PATJ: variants seen among roughly 807,000 people sequenced by gnomAD.
PATJ encodes PATJ crumbs cell polarity complex component.
PATJ carries 190 observed loss-of-function variants against 224.9 expected under a neutral mutation model. The observed-to-expected ratio is 0.84, with a 90% CI of 0.75 to 0.95. PATJ has a LOEUF of 0.95. Among genes scored for constraint, PATJ ranks in the 40% least tolerant of loss-of-function variants. The pLI, the probability that PATJ is intolerant of heterozygous loss-of-function variation, is 0.00. For synonymous variants in PATJ, 769 were observed against 820.3 expected (o/e 0.94, Z 1.07); for missense variants, 2,121 against 2,270.3 (o/e 0.93, Z 1.34).
At chr1:61,875,191 A>T (rs1334712803) in intron 20 of PATJ, 52 bp from the exon 21 acceptor site, 1 of 1,244,634 alleles carries the variant, frequency 8.0e-7, no homozygotes, top group African/African-American at 1.5e-5. Flanking sequence ...CTGTACAGTA[A>T]TACATTTTTT....
At position 61,881,413 on chromosome 1, in the gene PATJ, T is replaced by A. The variant is rs200325901; in HGVS notation, c.2960-2824T>A. On this transcript the variant is annotated intron_variant, in intron 21 of 43. Coordinates refer to ENST00000642238, the MANE Select transcript of PATJ (RefSeq NM_001350145.3). ...AACCACAGTTAAAACAGTTATTTTT[T>A]TTTTTTTTTTTTTTTGAGACAGAGT... Among the ~76,000 whole-genome samples, 1,032 of 148,322 alleles carry A rather than the reference T, an allele frequency of 7.0e-3. 12 individuals are homozygous for A. Among genetic ancestry groups the A allele is most frequent in the African/African-American group, 0.023 (907 of 40,200 alleles).
intron 20 of PATJ, among the ~76,000 whole-genome samples, chr1:61,869,141 C>T (rs1042851824): frequency 7.5e-6 from 1 of 132,692 alleles, no homozygotes; most frequent in Non-Finnish European, 1.5e-5. Context: ...GAGTCTCGCT[C>T]TGTCGCCCAG....
chr1:62,001,980 C>T (rs1645802056), intron 28 of PATJ, among the ~76,000 whole-genome samples: 1 of 152,026 alleles, frequency 6.6e-6, no homozygotes, highest in African/African-American at 2.4e-5. Context: ...CTTTCTTTAC[C>T]ACTGTAAAAA....
At chr1:61,875,557 T>G (rs1667234323) in intron 21 of PATJ, 191 bp downstream of exon 21, 1 of 442,190 alleles carries the variant, frequency 2.3e-6, no homozygotes, top group Non-Finnish European at 4.1e-6. Flanking sequence ...AACTTAGAGT[T>G]TTCAGATTCT....
rs143024681 is a variant in PATJ, at chr1:61,875,310, G to A, written c.2903G>A (p.Gly968Asp). 5.0e-6 allele frequency: 8 copies of A among 1,610,740 alleles called. No individual in the cohort carries two copies. Among genetic ancestry groups the A allele is most frequent in the Non-Finnish European group, 6.8e-6 (8 of 1,177,560 alleles). ...VPSTEGNSQQ[G>D]RFDDLENLNS... The stretch of plus-strand genomic sequence containing the variant: ...TCAACTGAAGGAAACAGTCAACAAG[G>A]CAGATTTGACGACCTGGAAAATCTT... Residue 968 changes from glycine to aspartate, a missense_variant, in exon 21 of 44, where the codon GGC becomes GAC. By Grantham distance (94) the Gly-to-Asp change is moderately conservative (BLOSUM62 -1). Transcript: ENST00000642238.
At chr1:61,935,222 A>C (rs577125680) in intron 27 of PATJ, among the ~76,000 whole-genome samples, 2 of 152,338 alleles carry the variant, frequency 1.3e-5, no homozygotes, top group South Asian at 4.2e-4. Context: ...TATGCAGATA[A>C]GGTCCTAGAA....
chr1:61,772,104 T>C (rs1646647182), intron 6 of PATJ, among the ~76,000 whole-genome samples: 1 of 139,154 alleles, frequency 7.2e-6, no homozygotes, highest in Admixed American at 7.9e-5. Flanking sequence ...TTCATGACGG[T>C]CGTTTTTTTT....
At chr1:61,995,848 A>G (rs1047423046) in intron 28 of PATJ, among the ~76,000 whole-genome samples, 1 of 152,212 alleles carries the variant, frequency 6.6e-6, no homozygotes, top group Non-Finnish European at 1.5e-5. Flanking sequence ...GGGCTGTCAT[A>G]TGAATACAGG....
rs1664174094 is a variant in PATJ at position 62,114,106 on chromosome 1, G to A, written c.4515G>A (p.Leu1505=). ...NSSHEEAITA[L]RQTPQKVRLV... ...GCCACGAAGAAGCCATCACAGCCCT[G>A]AGGCAGACCCCCCAGAAGGTGCGGC... is the stretch of plus-strand genomic sequence containing the variant. The change falls in exon 35 of 44, where the codon CTG becomes CTA. Residue 1505 remains leucine (L), a synonymous_variant. Coordinates refer to ENST00000642238, the MANE Select transcript of PATJ (RefSeq NM_001350145.3). 6.2e-7 allele frequency: 1 copy of A among 1,614,192 alleles called. No homozygotes were observed. The highest frequency in any genetic ancestry group is 2.2e-5 in the East Asian group (1 of 44,872).
At chr1:61,935,522 G>A (rs1259938571) in intron 27 of PATJ, among the ~76,000 whole-genome samples, 1 of 152,156 alleles carries the variant, frequency 6.6e-6, no homozygotes, top group Admixed American at 6.5e-5. Context: ...GCCAGGCGTA[G>A]TGGCTCATTC....
intron 40 of PATJ, 44 bp from the exon 41 acceptor site, chr1:62,128,797 T>C (rs1277127808): frequency 1.5e-5 from 20 of 1,315,108 alleles, no homozygotes; most frequent in Non-Finnish European, 1.9e-5. Context: ...TCAAATTTAA[T>C]TTTTCTTAAT....
intron 33 of PATJ, among the ~76,000 whole-genome samples, chr1:62,095,521 C>T (rs974204105): frequency 3.3e-5 from 5 of 152,170 alleles, no homozygotes; most frequent in Admixed American, 6.5e-5. Context: ...AAAATACATG[C>T]CACAGCATAG....
chr1:62,146,803 T>A (rs958697222), intron 41 of PATJ, among the ~76,000 whole-genome samples: 14 of 151,242 alleles, frequency 9.3e-5, no homozygotes, highest in African/African-American at 1.9e-4. Flanking sequence ...AAAATAAATT[T>A]AAAAAAAAGA....
intron 6 of PATJ, among the ~76,000 whole-genome samples, chr1:61,774,516 C>T (rs1317683952): frequency 6.6e-6 from 1 of 152,186 alleles, no homozygotes; most frequent in Non-Finnish European, 1.5e-5. Context: ...TCCACTTCGT[C>T]TATAGGACAC....
chr1:61,912,309 G>T (rs559177545), intron 25 of PATJ, among the ~76,000 whole-genome samples: 6 of 152,176 alleles, frequency 3.9e-5, no homozygotes, highest in Admixed American at 3.9e-4. Flanking sequence ...TTGAAAAACA[G>T]TGGGCTGGGC....
intron 37 of PATJ, among the ~76,000 whole-genome samples, chr1:62,119,559 A>C (rs1558195023): frequency 6.6e-6 from 1 of 152,218 alleles, no homozygotes; most frequent in Non-Finnish European, 1.5e-5. Flanking sequence ...AACCAGGAAG[A>C]AATTTCCTTA....
intron 27 of PATJ, among the ~76,000 whole-genome samples, chr1:61,946,056 T>C (rs1239693260): frequency 6.6e-6 from 1 of 152,102 alleles, no homozygotes; most frequent in Non-Finnish European, 1.5e-5. Context: ...CTCTGGGACA[T>C]ATTTAAAGCA....
In PATJ at chr1:62,099,449, C is replaced by T. The variant is rs185560787; in HGVS notation, c.4378-8988C>T. The stretch of plus-strand genomic sequence containing the variant: ...AGGGTAATAAGACATAACACTCTTT[C>T]TGGATCACTGGTGAATATGTTTTTC... On this transcript the variant is annotated intron_variant, in intron 33 of 43. Coordinates refer to ENST00000642238, the MANE Select transcript of PATJ (RefSeq NM_001350145.3). Among the ~76,000 whole-genome samples the T allele has an allele frequency of 3.4e-3, 438 of 127,460 alleles. 1 individual carries two copies. The highest frequency in any genetic ancestry group is 4.8e-3 in the Non-Finnish European group (306 of 64,384). 83.6% of individuals were successfully genotyped at this position (127,460 alleles called of 152,430 possible).
chr1:61,859,413 A>T (rs1466750102), intron 18 of PATJ, among the ~76,000 whole-genome samples: 1 of 151,784 alleles, frequency 6.6e-6, no homozygotes. Context: ...AATTTCAAGA[A>T]TTTTTTTTCT....
Sources: gnomAD v4.1 joint callset for allele counts (sites outside exome capture counted in the v4.1 genomes callset) on GRCh38, gnomAD v4.1.1 for gene constraint, MANE v1.5 for transcripts, NCBI Gene and HGNC (gene_info 2026-07-23, HGNC 2026-07-21) for gene names.